The following ANKUB1 variants were observed in gnomAD, a reference collection of about 807,000 sequenced individuals.
ANKUB1 encodes the protein ankyrin repeat and ubiquitin domain containing 1, also known as protein ANKUB1.
ANKUB1 carries 42 observed loss-of-function variants against 49.3 expected under a neutral mutation model. The ratio of observed to expected loss-of-function variants is 0.85; its 90% confidence interval spans 0.67 to 1.10. ANKUB1 has a LOEUF of 1.10. Ranked by LOEUF, ANKUB1 falls within the 50% of genes least tolerant of loss-of-function variation. The pLI, the probability that ANKUB1 is intolerant of heterozygous loss-of-function variation, is 0.00. For missense variants in ANKUB1, 613 were observed against 642.0 expected, an observed-to-expected ratio of 0.95 and a Z score of 0.49; for synonymous variants, 222 against 231.0, an observed-to-expected ratio of 0.96 and a Z score of 0.35.
At chr3:149,791,812 C>T (rs1233440805) in intron 1 of ANKUB1, among the ~76,000 whole-genome samples, 5 of 152,180 alleles carry the variant, frequency 3.3e-5, no homozygotes, top group Admixed American at 6.5e-5. Flanking sequence ...TCAGTTTTTT[C>T]TGAATGCAAA....
Position 149,767,186 on chromosome 3 carries a change from C to T in ANKUB1, c.1476G>A (p.Glu492=). The T allele has an allele frequency of 6.5e-7, 1 of 1,533,748 alleles. No individual in the cohort carries two copies. The highest frequency in any genetic ancestry group is 8.8e-7 in the Non-Finnish European group (1 of 1,141,046). ...CCACAGCTAAGCAGTAGATTGCGTT[C>T]TCCCATGGAGTCTTCCCACTGTGCT... is the stretch of plus-strand genomic sequence containing the variant. ...FLEHSGKTPW[E]NAIYCLAVAS... is the part of the protein sequence containing the mutation. The change falls in exon 5 of 6, where the codon GAG becomes GAA. Residue 492 remains glutamate, a synonymous_variant. Coordinates refer to ENST00000446160, the MANE Select transcript of ANKUB1 (RefSeq NM_001144960.3).
At chr3:149,780,743 T>A (rs1717826406) in intron 2 of ANKUB1, among the ~76,000 whole-genome samples, 1 of 152,216 alleles carries the variant, frequency 6.6e-6, no homozygotes, top group African/African-American at 2.4e-5. Flanking sequence ...TTTATATCCA[T>A]CCTGTGCTTA....
Position 149,780,364 on chromosome 3 carries a change from A to G in ANKUB1, c.326T>C (p.Val109Ala), listed in dbSNP as rs1268977667. 3 of 1,552,060 alleles carry G rather than the reference A, an allele frequency of 1.9e-6. No homozygotes were observed. Residue 109 changes from valine (V) to alanine (A), a missense_variant, in exon 3 of 6, where the codon GTG becomes GCG. Coordinates refer to ENST00000446160, the MANE Select transcript of ANKUB1 (RefSeq NM_001144960.3). ...MESISLLDKT[V>A]SDLRTLVTLR... ...AGTTACCAGTGTTCTCAGATCAGAC[A>G]CTGTTTTATCAAGAAGGGAAATGCT... is the stretch of plus-strand genomic sequence containing the variant.
chr3:149,766,709 A>T, intron 5 of ANKUB1: 1 of 677,194 alleles, frequency 1.5e-6, no homozygotes, highest in Non-Finnish European at 2.5e-6. Flanking sequence ...GAGATGGGAG[A>T]ATTGCTTGAG....
intron 1 of ANKUB1, 107 bp downstream of exon 1, chr3:149,792,170 T>G: frequency 1.5e-6 from 1 of 666,262 alleles, no homozygotes; most frequent in Non-Finnish European, 2.2e-6. Flanking sequence ...TCGTTCCCTG[T>G]TTGCTGAAAA....
At chr3:149,779,751 GCC>G in intron 3 of ANKUB1, 1 of 158,166 alleles carries the variant, frequency 6.3e-6, no homozygotes, top group Admixed American at 6.0e-5. Context: ...AGATGAAGTG[GCC>G]TGAGTTTTGC....
Position 149,781,325 on chromosome 3 carries a change from G to A in ANKUB1, c.235-870C>T, listed in dbSNP as rs74726877. 3.8e-3 allele frequency among the ~76,000 whole-genome samples: 579 copies of A among 152,218 alleles called. 1 individual carries two copies. Among genetic ancestry groups the A allele is most frequent in the African/African-American group, 0.013 (539 of 41,526 alleles). On this transcript the variant is annotated intron_variant, in intron 2 of 5. Transcript: ENST00000446160. ...GCCAAACCAAAACTCAAAATACAGC[G>A]AATAGGAAAAATGGGAAGCAAGTGG...
rs1410038169 is a variant in ANKUB1, at chr3:149,767,654, T to G, written c.1008A>C (p.Ala336=). The G allele has an allele frequency of 2.6e-6, 4 of 1,551,574 alleles. No homozygotes were observed. In the Admixed American group the frequency reaches 7.8e-5, roughly 30 times the overall value. ...CTCCAACTTTTGCCCCAAAGACCCTTGCTCCACAAAACTGGCTTTTATGAA... is the reference window on the plus strand; with the variant it reads ...CTCCAACTTTTGCCCCAAAGACCCTGGCTCCACAAAACTGGCTTTTATGAA... ...HSLHKSQFCG[A]RVFGAKVGDT... is the part of the protein sequence containing the mutation. Residue 336 remains alanine (A), a synonymous_variant, in exon 5 of 6, where the codon GCA becomes GCC. Coordinates refer to ENST00000446160, the MANE Select transcript of ANKUB1 (RefSeq NM_001144960.3).
chr3:149,771,034 G>A (rs984056596), intron 3 of ANKUB1, among the ~76,000 whole-genome samples: 4 of 152,350 alleles, frequency 2.6e-5, no homozygotes, highest in Non-Finnish European at 5.9e-5. Flanking sequence ...ACCTGTGGCA[G>A]GACAAACAGT....
In ANKUB1 at chr3:149,790,939, G is replaced by A; in HGVS notation, c.91-15C>T. 3 of 1,549,230 alleles carry A rather than the reference G, an allele frequency of 1.9e-6. No homozygotes were observed. Among genetic ancestry groups the A allele is most frequent in the Non-Finnish European group, 2.6e-6 (3 of 1,145,792 alleles). ...TGGAAATAATCCTTAAAAATCAATAGCATATTATGAAAACAGTACATCCTT... is the reference window on the plus strand; with the variant it reads ...TGGAAATAATCCTTAAAAATCAATAACATATTATGAAAACAGTACATCCTT... On this transcript the variant is annotated splice_polypyrimidine_tract_variant and intron_variant, in intron 1 of 5. Transcript: ENST00000446160.
chr3:149,771,332 A>G (rs773325057), intron 3 of ANKUB1, among the ~76,000 whole-genome samples: 20 of 152,114 alleles, frequency 1.3e-4, no homozygotes, highest in Admixed American at 4.6e-4. Context: ...CCTTCTCCCT[A>G]TGTGAACCAA....
At chr3:149,772,077 T>A (rs1015124716) in intron 3 of ANKUB1, among the ~76,000 whole-genome samples, 2 of 148,312 alleles carry the variant, frequency 1.3e-5, no homozygotes, top group Middle Eastern at 3.5e-3. Flanking sequence ...CAGGCTGGGG[T>A]GCAGTGGCAC....
At chr3:149,791,351 T>C (rs1045892703) in intron 1 of ANKUB1, among the ~76,000 whole-genome samples, 2 of 152,230 alleles carry the variant, frequency 1.3e-5, no homozygotes, top group Non-Finnish European at 2.9e-5. Flanking sequence ...TGTTAGTTAA[T>C]GTGTTAATTA....
At chr3:149,764,568 TTCCCTCCC>T (rs765115560) in intron 5 of ANKUB1, among the ~76,000 whole-genome samples, 1 of 139,850 alleles carries the variant, frequency 7.2e-6, no homozygotes, top group Non-Finnish European at 1.5e-5. Context: ...CCTTCCTTCC[TTCCCTCCC>T]TCCCTCCCTC....
At position 149,770,661 on chromosome 3, in the gene ANKUB1, G is replaced by T; in HGVS notation, c.465C>A (p.Arg155=). 1 of 1,547,390 alleles carries T rather than the reference G, an allele frequency of 6.5e-7. No individual in the cohort carries two copies. ...CCTTCCATCCATCCCAGACATCCAAGCGAAGTGTTGTGCCTGTGGATCAAG... is the reference window on the plus strand; with the variant it reads ...CCTTCCATCCATCCCAGACATCCAATCGAAGTGTTGTGCCTGTGGATCAAG... ...DYQTDIGTTL[R]LDVWDGWKEF... The change falls in exon 4 of 6, where the codon CGC becomes CGA. Residue 155 remains arginine (R), a synonymous_variant. Transcript: ENST00000446160.
chr3:149,762,503 A>T (rs1716823931), intron 5 of ANKUB1, among the ~76,000 whole-genome samples: 1 of 152,126 alleles, frequency 6.6e-6, no homozygotes, highest in Non-Finnish European at 1.5e-5. Context: ...ATTCCCCAGA[A>T]ATATCTCTTG....
intron 2 of ANKUB1, among the ~76,000 whole-genome samples, chr3:149,787,061 T>G (rs1718131500): frequency 6.6e-6 from 1 of 152,338 alleles, no homozygotes; most frequent in South Asian, 2.1e-4. Flanking sequence ...TGCGGGCTCT[T>G]TTTTGGTTCC....
At chr3:149,789,596 C>G (rs1029607871) in intron 2 of ANKUB1, among the ~76,000 whole-genome samples, 2 of 150,460 alleles carry the variant, frequency 1.3e-5, no homozygotes, top group African/African-American at 4.9e-5. Flanking sequence ...TGTGACTTGT[C>G]TTTCCTACTT....
rs1244636133 is a variant in ANKUB1, at chr3:149,768,100, A to G, written c.567-5T>C. On this transcript the variant is annotated splice_region_variant and splice_polypyrimidine_tract_variant and intron_variant, in intron 4 of 5. Transcript: ENST00000446160. ...AGGGCTACCCTTTTCTGATACCTAA[A>G]TGAGTGAAACAAGTGGGGAGGGGGT... is the stretch of plus-strand genomic sequence containing the variant. The G allele has an allele frequency of 1.5e-6, 2 of 1,349,714 alleles. No homozygotes were observed. The allele number at this position is 1,349,714 out of a possible 1,614,324, so 83.6% of individuals were successfully genotyped here. A position where few individuals can be genotyped will look rare whatever the true frequency, so the allele number is the denominator to read the frequency against.
Sources: allele counts gnomAD v4.1 joint callset (sites outside exome capture counted in the v4.1 genomes callset), GRCh38; gene constraint gnomAD v4.1.1; transcripts MANE v1.5; gene names NCBI Gene and HGNC (gene_info 2026-07-23, HGNC 2026-07-21).